The following TIAM1 variants were observed in gnomAD, a reference collection of about 807,000 sequenced individuals.
TIAM1 encodes TIAM Rac1 associated GEF 1.
A neutral mutation model predicts 163.5 loss-of-function variants in TIAM1; 65 were observed. The ratio of observed to expected loss-of-function variants is 0.40; its 90% CI spans 0.33 to 0.49. TIAM1 has a LOEUF of 0.49. TIAM1 is among the 20% of genes least tolerant of loss of function. The pLI is 0.77. For missense variants in TIAM1, 1,789 were observed against 2,044.7 expected, an observed-to-expected ratio of 0.87 and a Z score of 2.41; for synonymous variants, 833 against 810.1, an observed-to-expected ratio of 1.03 and a Z score of -0.48.
chr21:31,459,514 A>G (rs1280046565), intron 2 of TIAM1, among the ~76,000 whole-genome samples: 1 of 152,172 alleles, frequency 6.6e-6, no homozygotes, highest in Non-Finnish European at 1.5e-5. Context: ...AGAAGAATTC[A>G]CTCCTAAAAG....
intron 5 of TIAM1, among the ~76,000 whole-genome samples, chr21:31,246,938 A>G (rs1428584430): frequency 2.0e-5 from 3 of 152,108 alleles, no homozygotes; most frequent in Non-Finnish European, 4.4e-5. Context: ...TGTCTCCATA[A>G]TTTAGGAGTC....
chr21:31,418,041 G>A lies in TIAM1; in HGVS notation c.-369+45942C>T, dbSNP rs1199103659. Among the ~76,000 whole-genome samples the A allele has an allele frequency of 2.0e-5, 3 of 152,086 alleles. 1 individual carries two copies. Among genetic ancestry groups the A allele is most frequent in the East Asian group, 3.9e-4 (2 of 5,176 alleles). On this transcript the variant is annotated intron_variant, in intron 2 of 28. Coordinates refer to the TIAM1 transcript ENST00000286827. ...AGGCCCAAAAGGTACTGAGCAGAGT[G>A]ACACTATCTGACTTTTAAAAAGGTG...
At chr21:31,281,106 AAAC>A (rs1184214485) in intron 2 of TIAM1, among the ~76,000 whole-genome samples, 5 of 150,832 alleles carry the variant, frequency 3.3e-5, no homozygotes, top group African/African-American at 9.8e-5. Context: ...AAAAAAAAAA[AAAC>A]AACGACAAAA....
At chr21:31,276,149 G>T (rs1187983063) in intron 3 of TIAM1, among the ~76,000 whole-genome samples, 3 of 152,104 alleles carry the variant, frequency 2.0e-5, no homozygotes, top group Non-Finnish European at 2.9e-5. Context: ...ACGGTGTTGG[G>T]GGGTGGGGGT....
chr21:31,415,283 A>G (rs1052833479), intron 2 of TIAM1, among the ~76,000 whole-genome samples: 1 of 152,260 alleles, frequency 6.6e-6, no homozygotes, highest in East Asian at 1.9e-4. Context: ...TATCTTATTA[A>G]CAACAACAAT....
At chr21:31,168,388 A>G (rs112742013) in intron 15 of TIAM1, among the ~76,000 whole-genome samples, 7,011 of 151,752 alleles carry the variant, frequency 0.046, 578 homozygotes, top group African/African-American at 0.16. Flanking sequence ...CACCAGGCCC[A>G]GCCTGTTCCC....
At chr21:31,350,385 G>C (rs535080073) in intron 2 of TIAM1, among the ~76,000 whole-genome samples, 4 of 152,168 alleles carry the variant, frequency 2.6e-5, no homozygotes, top group African/African-American at 9.7e-5. Flanking sequence ...AGGGAGTGGA[G>C]AATGACGCTG....
chr21:31,169,588 T>C (rs2084406807), intron 15 of TIAM1, among the ~76,000 whole-genome samples: 1 of 152,226 alleles, frequency 6.6e-6, no homozygotes, highest in East Asian at 1.9e-4. Context: ...AAACAAAGAA[T>C]GAGAAAGTTT....
intron 2 of TIAM1, among the ~76,000 whole-genome samples, chr21:31,354,717 G>A (rs994271806): frequency 5.9e-5 from 9 of 152,118 alleles, no homozygotes; most frequent in Non-Finnish European, 1.2e-4. Flanking sequence ...AGTTACTACC[G>A]GTGTGGAGGA....
chr21:31,195,360 A>C, intron 12 of TIAM1, 55 bp from the exon 13 acceptor site: 1 of 1,255,432 alleles, frequency 8.0e-7, no homozygotes, highest in Non-Finnish European at 1.1e-6. Context: ...AACTTTTAAA[A>C]ATGGTCATCA....
chr21:31,355,524 C>A (rs1569259619), intron 2 of TIAM1, among the ~76,000 whole-genome samples: 1 of 133,356 alleles, frequency 7.5e-6, no homozygotes, highest in Non-Finnish European at 1.6e-5. Context: ...TTTTTCTCTC[C>A]TTTATTATTT....
At chr21:31,403,015 G>A (rs1236741818) in intron 2 of TIAM1, among the ~76,000 whole-genome samples, 1 of 152,154 alleles carries the variant, frequency 6.6e-6, no homozygotes, top group African/African-American at 2.4e-5. Flanking sequence ...GGGGCTCACA[G>A]CACCACGGCT....
At chr21:31,358,040 C>T (rs2076344976) in intron 2 of TIAM1, among the ~76,000 whole-genome samples, 1 of 152,146 alleles carries the variant, frequency 6.6e-6, no homozygotes, top group South Asian at 2.1e-4. Context: ...ATCCACTGTC[C>T]CGATCTTAAC....
In TIAM1 at chr21:31,165,040, G is replaced by C; in HGVS notation, c.2913C>G (p.Gly971=). 1 of 1,614,062 alleles carries C rather than the reference G, an allele frequency of 6.2e-7. No individual in the cohort carries two copies. The highest frequency in any genetic ancestry group is 8.5e-7 in the Non-Finnish European group (1 of 1,180,042). ...CCTCTGGAGCGGTCTCAGCACTGCT[G>C]CCCTGCTCGCTGCAAAGGCTGTGCC... The part of the protein sequence containing the change: ...NPGHSLCSEQ[G]SSAETAPEET... The change falls in exon 16 of 28, where the codon GGC becomes GGG. Residue 971 remains glycine (G), a synonymous_variant. Coordinates refer to ENST00000541036, the MANE Select transcript of TIAM1 (RefSeq NM_001353694.2).
chr21:31,550,869 A>G (rs1215442418), intron 1 of TIAM1, among the ~76,000 whole-genome samples: 19 of 152,310 alleles, frequency 1.2e-4, no homozygotes, highest in South Asian at 4.1e-4. Flanking sequence ...TGATGTAACT[A>G]AATTAAAGGT....
intron 2 of TIAM1, among the ~76,000 whole-genome samples, chr21:31,449,789 T>C (rs913530305): frequency 6.6e-6 from 1 of 152,162 alleles, no homozygotes; most frequent in Non-Finnish European, 1.5e-5. Flanking sequence ...TTTCTTTCTA[T>C]CCAGGGTAGG....
At chr21:31,453,644 C>A (rs906007497) in intron 2 of TIAM1, among the ~76,000 whole-genome samples, 4 of 151,318 alleles carry the variant, frequency 2.6e-5, no homozygotes, top group African/African-American at 9.7e-5. Flanking sequence ...AGTGAGATTG[C>A]GCCACTGCAC....
intron 5 of TIAM1, among the ~76,000 whole-genome samples, chr21:31,248,120 G>A (rs1411250776): frequency 6.6e-6 from 1 of 152,166 alleles, no homozygotes. Flanking sequence ...CAGTGTCACT[G>A]TTGAGAAACC....
intron 6 of TIAM1, among the ~76,000 whole-genome samples, chr21:31,234,968 T>C (rs1220191647): frequency 6.6e-6 from 1 of 152,138 alleles, no homozygotes. Context: ...AAGCCAAAAT[T>C]CCAAATTACT....
Sources: allele counts gnomAD v4.1 joint callset (sites outside exome capture counted in the v4.1 genomes callset), GRCh38; gene constraint gnomAD v4.1.1; transcripts MANE v1.5; gene names NCBI Gene and HGNC (gene_info 2026-07-23, HGNC 2026-07-21).